TENT5D: variants seen among roughly 807,000 people sequenced by gnomAD.
TENT5D encodes cancer/testis antigen 112.
For missense variants in TENT5D, 191 were observed against 287.0 expected (o/e 0.67, Z 2.42); for synonymous variants, 103 against 100.6 (o/e 1.02, Z -0.15).
chrX:80,352,967 A>G (rs1471066366), intron 3 of TENT5D, among the ~76,000 whole-genome samples: 1 of 111,035 alleles, frequency 9.0e-6, no homozygotes, highest in Non-Finnish European at 1.9e-5. Flanking sequence ...GTGAGTCAAC[A>G]GCCCACCCTG....
At chrX:80,398,005 A>G (rs1931317922) in intron 3 of TENT5D, among the ~76,000 whole-genome samples, 1 of 111,563 alleles carries the variant, frequency 9.0e-6, no homozygotes, top group Non-Finnish European at 1.9e-5. Flanking sequence ...GTTTTTCATA[A>G]TGGCTGTACT....
intron 3 of TENT5D, among the ~76,000 whole-genome samples, chrX:80,382,936 C>A (rs1285071757): frequency 8.9e-6 from 1 of 112,318 alleles, no homozygotes; most frequent in African/African-American, 3.2e-5. Flanking sequence ...AATCCCCCGA[C>A]CCCTTGGCTT....
At chrX:80,435,721 A>G (rs1456140285) in intron 1 of TENT5D, among the ~76,000 whole-genome samples, 1 of 112,396 alleles carries the variant, frequency 8.9e-6, no homozygotes, top group Non-Finnish European at 1.9e-5. Context: ...CTTAATGTTA[A>G]TACTACTTCT....
intron 3 of TENT5D, among the ~76,000 whole-genome samples, chrX:80,377,318 G>A (rs753147161): frequency 3.4e-4 from 38 of 111,364 alleles, no homozygotes; most frequent in Non-Finnish European, 5.7e-4. Flanking sequence ...CATGTGCCAT[G>A]TTGGTTTGCT....
intron 1 of TENT5D, among the ~76,000 whole-genome samples, chrX:80,426,804 T>A (rs1163244405): frequency 2.7e-5 from 3 of 112,008 alleles, no homozygotes; most frequent in African/African-American, 9.7e-5. Flanking sequence ...CAGTAGTTGA[T>A]ATGGTTTGTC....
chrX:80,424,233 G>A (rs931920058), intron 1 of TENT5D, among the ~76,000 whole-genome samples: 2 of 111,427 alleles, frequency 1.8e-5, no homozygotes, highest in Non-Finnish European at 1.9e-5. Flanking sequence ...CTTGATAGCC[G>A]TTAGATGAGA....
chrX:80,342,077 C>A (rs1929972641), intron 2 of TENT5D, among the ~76,000 whole-genome samples: 1 of 111,233 alleles, frequency 9.0e-6, no homozygotes, highest in African/African-American at 3.3e-5. Flanking sequence ...AAATACATAT[C>A]ATTTAACCTA....
At chrX:80,394,308 T>C (rs758072676) in intron 3 of TENT5D, among the ~76,000 whole-genome samples, 42 of 109,975 alleles carry the variant, frequency 3.8e-4, no homozygotes, top group South Asian at 7.8e-4. Flanking sequence ...TAATGATTAG[T>C]GATGTTGAGC....
intron 1 of TENT5D, among the ~76,000 whole-genome samples, chrX:80,432,570 T>A (rs1932108368): frequency 1.8e-5 from 2 of 111,723 alleles, no homozygotes; most frequent in African/African-American, 6.5e-5. Context: ...AGTAAAGAGT[T>A]AATGTTCTGC....
rs150475050 is a variant in TENT5D, at chrX:80,378,453, A to G, written c.-142+35889A>G. Among the ~76,000 whole-genome samples, 120 of 111,693 alleles carry G rather than the reference A, an allele frequency of 1.1e-3. 5 individuals are homozygous for G. The East Asian group carries it at 0.032, about 29-fold the overall frequency. On this transcript the variant is annotated intron_variant, in intron 3 of 4. Transcript: ENST00000538312. ...GGGATACAGTTTCAGCTTTCTACATATAGCTAGCCAGTTTTCCATTTTTTT... is the reference window on the plus strand; with the variant it reads ...GGGATACAGTTTCAGCTTTCTACATGTAGCTAGCCAGTTTTCCATTTTTTT...
At chrX:80,439,663 A>C (rs1417069162) in intron 2 of TENT5D, among the ~76,000 whole-genome samples, 1 of 110,968 alleles carries the variant, frequency 9.0e-6, no homozygotes, top group African/African-American at 3.3e-5. Context: ...TATTCATGTT[A>C]ATAGAGGTCA....
intron 3 of TENT5D, among the ~76,000 whole-genome samples, chrX:80,382,572 T>A (rs1221825063): frequency 8.9e-6 from 1 of 112,021 alleles, no homozygotes; most frequent in African/African-American, 3.2e-5. Flanking sequence ...TTTGTTTAGG[T>A]GTGTCCTGAG....
chrX:80,366,709 T>C (rs748433168), intron 3 of TENT5D, among the ~76,000 whole-genome samples: 1 of 111,476 alleles, frequency 9.0e-6, no homozygotes, highest in South Asian at 3.8e-4. Context: ...TATATTATTG[T>C]TTTCCACATT....
At chrX:80,364,709 A>G (rs1930473007) in intron 3 of TENT5D, among the ~76,000 whole-genome samples, 1 of 109,521 alleles carries the variant, frequency 9.1e-6, no homozygotes, top group African/African-American at 3.3e-5. Context: ...ATCTATATAT[A>G]ATATGTAGAT....
At chrX:80,340,713 C>G (rs745349125) in intron 2 of TENT5D, among the ~76,000 whole-genome samples, 2 of 111,612 alleles carry the variant, frequency 1.8e-5, no homozygotes, top group Non-Finnish European at 3.8e-5. Context: ...TAGTGTAATA[C>G]TTAGCAGCAT....
chrX:80,386,580 A>T (rs1474187647), intron 3 of TENT5D, among the ~76,000 whole-genome samples: 1 of 111,690 alleles, frequency 9.0e-6, no homozygotes, highest in Non-Finnish European at 1.9e-5. Flanking sequence ...TAAAAAATCT[A>T]AAAAAATAAA....
intron 3 of TENT5D, among the ~76,000 whole-genome samples, chrX:80,396,466 GTGA>G (rs1308719968): frequency 9.1e-6 from 1 of 109,490 alleles, no homozygotes; most frequent in African/African-American, 3.4e-5. Flanking sequence ...TTAGGGAGTG[GTGA>G]TGACTCTTAA....
At chrX:80,382,480 TCAAA>T (rs772048895) in intron 3 of TENT5D, among the ~76,000 whole-genome samples, 4 of 111,935 alleles carry the variant, frequency 3.6e-5, no homozygotes, top group Admixed American at 1.9e-4. Flanking sequence ...TTCTCAGAGC[TCAAA>T]CACTGTGCTG....
At chrX:80,445,264 T>C (rs1932363180) in exon 3 of TENT5D, 1 of 122,917 alleles carries the variant, frequency 8.1e-6, no homozygotes, top group Non-Finnish European at 1.9e-5. Flanking sequence ...CTTACCACTT[T>C]CTTGACAAAG....
Sources: gnomAD v4.1 joint callset for allele counts (sites outside exome capture counted in the v4.1 genomes callset) on GRCh38, gnomAD v4.1.1 for gene constraint, MANE v1.5 for transcripts, NCBI Gene and HGNC (gene_info 2026-07-23, HGNC 2026-07-21) for gene names.